The following RASA3 variants were observed in gnomAD, a reference collection of about 807,000 sequenced individuals.
RASA3 encodes RAS p21 protein activator 3, also known as ras GTPase-activating protein 3.
In RASA3, 73 loss-of-function variants were observed where a neutral mutation model predicts 110.0. That is an observed-to-expected ratio of 0.66 (90% CI 0.55 to 0.81). The LOEUF is 0.81. Ranked by LOEUF, RASA3 falls within the 30% of genes least tolerant of loss-of-function variation. The probability of loss-of-function intolerance (pLI) is 0.00; values close to 1 mark genes in which losing one functional copy is unlikely to be tolerated. For synonymous variants in RASA3, 500 were observed against 451.4 expected, an observed-to-expected ratio of 1.11 and a Z score of -1.37; for missense variants, 976 against 1,113.2, an observed-to-expected ratio of 0.88 and a Z score of 1.75.
intron 3 of RASA3, among the ~76,000 whole-genome samples, 172 bp downstream of exon 3, chr13:114,051,880 A>G (rs1303547291): frequency 1.3e-5 from 2 of 152,234 alleles, no homozygotes; most frequent in African/African-American, 4.8e-5. Flanking sequence ...GGGACCACAG[A>G]TGCCAGGCCA....
chr13:114,031,204 TG>T (rs1037169539), intron 4 of RASA3, among the ~76,000 whole-genome samples: 1 of 151,846 alleles, frequency 6.6e-6, no homozygotes, highest in Admixed American at 6.6e-5. Flanking sequence ...TGTGTCTGTG[TG>T]GGCGTGCGAT....
At chr13:114,130,720 G>A (rs1402693776) in intron 1 of RASA3, among the ~76,000 whole-genome samples, 1 of 152,230 alleles carries the variant, frequency 6.6e-6, no homozygotes, top group African/African-American at 2.4e-5. Flanking sequence ...TACACAGCGA[G>A]CATGCTGTGC....
rs1157024006 is a variant in RASA3 at position 114,016,266 on chromosome 13, G to A, written c.1212C>T (p.Cys404=). ...VTLKPAIEEI[C]QSHKPCEIDP... Reference sequence around the variant, plus strand: ...CGATTTCACAGGGTTTGTGGCTCTGGCATATCTGGGGAGAGGTTTAAGACA... The same window carrying A: ...CGATTTCACAGGGTTTGTGGCTCTGACATATCTGGGGAGAGGTTTAAGACA... Residue 404 remains cysteine, a synonymous_variant, in exon 13 of 24, where the codon TGC becomes TGT. Transcript: ENST00000334062. 1.3e-6 allele frequency: 2 copies of A among 1,589,674 alleles called. No individual in the cohort carries two copies. Among genetic ancestry groups the A allele is most frequent in the Non-Finnish European group, 1.7e-6 (2 of 1,157,998 alleles).
At chr13:114,005,612 G>A (rs1474426075) in intron 18 of RASA3, among the ~76,000 whole-genome samples, 2 of 152,316 alleles carry the variant, frequency 1.3e-5, no homozygotes, top group African/African-American at 2.4e-5. Flanking sequence ...AAGTGCGGGT[G>A]TGGACAACAC....
chr13:114,016,184 G>C lies in RASA3; in HGVS notation c.1281+13C>G, dbSNP rs751710723. On this transcript the variant is annotated intron_variant, in intron 13 of 23. Coordinates refer to ENST00000334062, the MANE Select transcript of RASA3 (RefSeq NM_007368.4). ...AGGTGACTGGCTTTGGTTGGTTCATGAACAAAACCTACCATGTTGTTTTCA... is the reference window on the plus strand; with the variant it reads ...AGGTGACTGGCTTTGGTTGGTTCATCAACAAAACCTACCATGTTGTTTTCA... 3.2e-6 allele frequency: 5 copies of C among 1,566,982 alleles called. No homozygotes were observed. The South Asian group carries it at 4.4e-5, about 14-fold the overall frequency.
intron 1 of RASA3, among the ~76,000 whole-genome samples, chr13:114,094,531 A>G (rs1214424186): frequency 6.6e-6 from 1 of 152,230 alleles, no homozygotes; most frequent in Non-Finnish European, 1.5e-5. Context: ...ACAGCATTGT[A>G]AATGTGCTAA....
At position 114,014,051 on chromosome 13, in the gene RASA3, CGTCT is replaced by C. The variant is rs771008950; in HGVS notation, c.1406-807_1406-804del. Among the ~76,000 whole-genome samples the C allele has an allele frequency of 2.1e-3, 233 of 113,600 alleles. 2 individuals carry two copies. The highest frequency in any genetic ancestry group is 6.2e-3 in the African/African-American group (215 of 34,788). 74.5% of individuals were successfully genotyped at this position (113,600 alleles called of 152,430 possible). A position where few individuals can be genotyped will look rare whatever the true frequency, so the allele number is the denominator to read the frequency against. On this transcript the variant is annotated intron_variant, in intron 14 of 23. Coordinates refer to ENST00000334062, the MANE Select transcript of RASA3 (RefSeq NM_007368.4). The surrounding 1 kb of genome is among the most constrained non-coding windows in gnomAD (Gnocchi z 4.5). ...CTCTCTCCGTCTCTATCTCTCTCTCCGTCTGTCTCTGCCTCTCTCTCCGTCTGTC... is the reference window on the plus strand; with the variant it reads ...CTCTCTCCGTCTCTATCTCTCTCTCCGTCTCTGCCTCTCTCTCCGTCTGTC...
In RASA3 at chr13:114,096,124, C is replaced by T. The variant is rs1264159524; in HGVS notation, c.56-22287G>A. 1.3e-5 allele frequency among the ~76,000 whole-genome samples: 2 copies of T among 151,834 alleles called. No homozygotes were observed. Among genetic ancestry groups the T allele is most frequent in the African/African-American group, 4.8e-5 (2 of 41,302 alleles). On this transcript the variant is annotated intron_variant, in intron 1 of 23. Transcript: ENST00000334062. This position sits in a 1 kb window ranked among gnomAD's most constrained non-coding sequence, Gnocchi z 5.1. The stretch of plus-strand genomic sequence containing the variant: ...GCATCGGTGTGCTGGGAAGGGGGTG[C>T]TCTCTGGGTGGCCTGGGTGGCATCG...
At chr13:114,047,967 C>T (rs750450192) in intron 3 of RASA3, among the ~76,000 whole-genome samples, 2 of 152,220 alleles carry the variant, frequency 1.3e-5, no homozygotes, top group South Asian at 2.1e-4. Flanking sequence ...AAGGCTACAC[C>T]TAACAGTGAA....
rs935485862 is a variant in RASA3 at position 114,115,602 on chromosome 13, C to T, written c.55+16833G>A. Among the ~76,000 whole-genome samples the T allele has an allele frequency of 7.2e-5, 11 of 152,196 alleles. No individual in the cohort carries two copies. Among genetic ancestry groups the T allele is most frequent in the African/African-American group, 1.4e-4 (6 of 41,446 alleles). ...GGTCATGTCCACGCCCTCTGCAGGC[C>T]TCGTGTCCCCCTCGCTGTCGCCTGC... On this transcript the variant is annotated intron_variant, in intron 1 of 23. Transcript: ENST00000334062. The surrounding 1 kb of genome is among the most constrained non-coding windows in gnomAD (Gnocchi z 5.0).
At chr13:114,077,894 G>A (rs1360014013) in intron 1 of RASA3, 4 of 985,048 alleles carry the variant, frequency 4.1e-6, no homozygotes, top group Middle Eastern at 5.2e-4. Context: ...AAAAAGTGGG[G>A]GGACAAAATG....
intron 9 of RASA3, among the ~76,000 whole-genome samples, chr13:114,019,656 G>A (rs540786902): frequency 6.6e-6 from 1 of 151,398 alleles, no homozygotes; most frequent in East Asian, 2.0e-4. Context: ...CTGTGTCCGA[G>A]GCATTAGATC....
intron 2 of RASA3, among the ~76,000 whole-genome samples, chr13:114,069,373 C>G (rs1183698676): frequency 6.8e-6 from 1 of 147,124 alleles, no homozygotes; most frequent in Non-Finnish European, 1.5e-5. Context: ...GCGACTTTGC[C>G]AAATGAACCA....
Position 114,015,306 on chromosome 13 carries a change from G to C in RASA3, c.1308C>G (p.Arg436=), listed in dbSNP as rs78831157. The C allele has an allele frequency of 1.2e-6, 2 of 1,612,904 alleles. No individual in the cohort carries two copies. Among genetic ancestry groups the C allele is most frequent in the African/African-American group, 1.3e-5 (1 of 74,948 alleles). The change falls in exon 14 of 24, where the codon CGC becomes CGG. Residue 436 remains arginine (R), a synonymous_variant. Transcript: ENST00000334062. ...NMENLRQYVD[R]VFHAITESGV... is the part of the protein sequence containing the mutation. ...CAGACTCAGTGATGGCGTGGAAGAC[G>C]CGGTCCACATACTGCCGTAGGTTCT...
At chr13:113,999,187 G>A (rs943923433) in intron 20 of RASA3, among the ~76,000 whole-genome samples, 6 of 152,172 alleles carry the variant, frequency 3.9e-5, no homozygotes, top group African/African-American at 7.2e-5. Flanking sequence ...TGTTCTACTC[G>A]TGCAACTTCT....
At position 114,026,287 on chromosome 13, in the gene RASA3, G is replaced by A. The variant is rs911293493; in HGVS notation, c.603+1102C>T. ...GCCGAGGCGGGGGGAGCTGCCACCTGGAACTCGGTCCATGCTGCATGCCTC... is the reference window on the plus strand; with the variant it reads ...GCCGAGGCGGGGGGAGCTGCCACCTAGAACTCGGTCCATGCTGCATGCCTC... On this transcript the variant is annotated intron_variant, in intron 7 of 23. Coordinates refer to ENST00000334062, the MANE Select transcript of RASA3 (RefSeq NM_007368.4). Among the ~76,000 whole-genome samples, 49 of 152,304 alleles carry A rather than the reference G, an allele frequency of 3.2e-4. 1 individual carries two copies. The highest frequency in any genetic ancestry group is 4.3e-4 in the Non-Finnish European group (29 of 68,008).
Position 114,112,699 on chromosome 13 carries a change from G to A in RASA3, c.55+19736C>T, listed in dbSNP as rs7986771. Among the ~76,000 whole-genome samples, 59,047 of 151,562 alleles carry A rather than the reference G, an allele frequency of 0.39. 11,687 individuals are homozygous for A. The highest frequency in any genetic ancestry group is 0.53 in the Middle Eastern group (154 of 292). ...GCCCTGGTCCCACACACTCAGGCCT[G>A]TGTGGCCAGCGTGGTCCTCCTTTCC... is the stretch of plus-strand genomic sequence containing the variant. On this transcript the variant is annotated intron_variant, in intron 1 of 23. Transcript: ENST00000334062. This position sits in a 1 kb window ranked among gnomAD's most constrained non-coding sequence, Gnocchi z 4.8.
In RASA3 at chr13:114,065,204, CCT is replaced by C. The variant is rs1324959895; in HGVS notation, c.173+8514_173+8515del. 1.3e-4 allele frequency among the ~76,000 whole-genome samples: 20 copies of C among 152,344 alleles called. No homozygotes were observed. The highest frequency in any genetic ancestry group is 9.8e-4 in the Admixed American group (15 of 15,310). On this transcript the variant is annotated intron_variant, in intron 2 of 23. Transcript: ENST00000334062. This position sits in a 1 kb window ranked among gnomAD's most constrained non-coding sequence, Gnocchi z 4.1. ...GCAGAGAAACCCCCGCCTTCTCCTC[CCT>C]GAGTCACTTCCCAGCATCTGCGCAA...
At chr13:114,093,456 T>C (rs1034884187) in intron 1 of RASA3, among the ~76,000 whole-genome samples, 1 of 152,248 alleles carries the variant, frequency 6.6e-6, no homozygotes, top group Admixed American at 6.5e-5. Flanking sequence ...CCCAAAATGT[T>C]GTTTGCTTCT....
Sources: allele counts gnomAD v4.1 joint callset (sites outside exome capture counted in the v4.1 genomes callset), GRCh38; gene constraint gnomAD v4.1.1; non-coding constraint Gnocchi (gnomAD v3.1); transcripts MANE v1.5; gene names NCBI Gene and HGNC (gene_info 2026-07-23, HGNC 2026-07-21).